DTNA: variants seen among roughly 807,000 people sequenced by gnomAD.
The protein encoded by DTNA is dystrobrevin alpha, also known as dystrophin-related protein 3.
Under a neutral mutation model 100.7 loss-of-function variants are expected in DTNA, and 43 were observed. That is an observed-to-expected ratio of 0.43 (90% CI 0.33 to 0.55). The LOEUF (loss-of-function observed/expected upper bound fraction) is 0.55, where lower values mean the gene tolerates loss of function less well. DTNA is among the 20% of genes least tolerant of loss of function. The pLI, the probability that DTNA is intolerant of heterozygous loss-of-function variation, is 0.04. For synonymous variants in DTNA, 349 were observed against 347.9 expected (o/e 1.00, Z -0.04); for missense variants, 798 against 953.9 (o/e 0.84, Z 2.15).
intron 1 of DTNA, among the ~76,000 whole-genome samples, chr18:34,553,437 G>C (rs2045673444): frequency 6.6e-6 from 1 of 150,912 alleles, no homozygotes; most frequent in Non-Finnish European, 1.5e-5. Flanking sequence ...TGGTGTTTTG[G>C]ACATGAAGTC....
intron 1 of DTNA, among the ~76,000 whole-genome samples, chr18:34,674,807 C>T (rs150071368): frequency 6.6e-6 from 1 of 152,030 alleles, no homozygotes; most frequent in Non-Finnish European, 1.5e-5. Flanking sequence ...AAGTCCCTGC[C>T]CAGAGTTGCA....
chr18:34,571,857 A>C (rs1879691), intron 1 of DTNA, among the ~76,000 whole-genome samples: 15,578 of 152,170 alleles, frequency 0.1, 1,167 homozygotes, highest in African/African-American at 0.2. Flanking sequence ...ATTCACCATA[A>C]AAATTAAATT....
chr18:34,821,218 G>A, intron 9 of DTNA: 2 of 520,174 alleles, frequency 3.8e-6, no homozygotes, highest in Admixed American at 2.4e-5. Flanking sequence ...GTTAACAATG[G>A]GATCACTGTG....
In DTNA at chr18:34,889,217, G is replaced by T. The variant is rs971553945; in HGVS notation, c.*1483G>T. ...ATTCCTGTCTCTCCTTTAAAAGAAA[G>T]GAGAGAACATTTTAGAACAATAGTT... On this transcript the variant is annotated 3_prime_UTR_variant, in exon 23 of 23. Transcript: ENST00000444659. 2.0e-6 allele frequency: 2 copies of T among 985,280 alleles called. No homozygotes were observed. Among genetic ancestry groups the T allele is most frequent in the African/African-American group, 3.5e-5 (2 of 57,226 alleles). The allele number at this position is 985,280 out of a possible 1,614,324, so 61.0% of individuals were successfully genotyped here. A position where few individuals can be genotyped will look rare whatever the true frequency, so the allele number is the denominator to read the frequency against.
chr18:34,843,710 G>T (rs1303241356), intron 13 of DTNA, among the ~76,000 whole-genome samples: 1 of 151,860 alleles, frequency 6.6e-6, no homozygotes, highest in African/African-American at 2.4e-5. Context: ...AGGTACTGAG[G>T]GTATTCATAT....
chr18:34,653,895 G>A (rs2073976963), intron 1 of DTNA, among the ~76,000 whole-genome samples: 1 of 152,154 alleles, frequency 6.6e-6, no homozygotes, highest in South Asian at 2.1e-4. Flanking sequence ...AAACAGCTTT[G>A]AATTGGAGAC....
At chr18:34,595,339 G>A (rs2050374626) in intron 1 of DTNA, among the ~76,000 whole-genome samples, 1 of 151,990 alleles carries the variant, frequency 6.6e-6, no homozygotes, top group Non-Finnish European at 1.5e-5. Context: ...ATGAAAATAT[G>A]TTAGGCTTAC....
chr18:34,502,277 A>G (rs538533442), intron 1 of DTNA, among the ~76,000 whole-genome samples: 1 of 152,270 alleles, frequency 6.6e-6, no homozygotes, highest in East Asian at 1.9e-4. Flanking sequence ...CAGTTTTGCT[A>G]GAGGATTTCA....
chr18:34,526,197 T>C (rs1201736764), intron 1 of DTNA, among the ~76,000 whole-genome samples: 1 of 152,194 alleles, frequency 6.6e-6, no homozygotes, highest in Admixed American at 6.6e-5. Flanking sequence ...TCATAAAATG[T>C]TGTTTCACTC....
At chr18:34,602,441 G>A (rs567994039) in intron 1 of DTNA, among the ~76,000 whole-genome samples, 1 of 152,238 alleles carries the variant, frequency 6.6e-6, no homozygotes, top group South Asian at 2.1e-4. Context: ...TACACTAAAG[G>A]GATATGTTTG....
chr18:34,856,645 C>T (rs762215731), intron 15 of DTNA, among the ~76,000 whole-genome samples: 7 of 152,162 alleles, frequency 4.6e-5, no homozygotes, highest in South Asian at 2.1e-4. Context: ...TACTTGTTAT[C>T]GAACTTGGGG....
chr18:34,672,438 T>G (rs2076884953), intron 1 of DTNA, among the ~76,000 whole-genome samples: 2 of 152,210 alleles, frequency 1.3e-5, no homozygotes, highest in East Asian at 3.8e-4. Context: ...ATTTTTCTGA[T>G]ATTTTGGGAT....
intron 1 of DTNA, among the ~76,000 whole-genome samples, chr18:34,713,880 G>A (rs1439127368): frequency 6.6e-6 from 1 of 151,972 alleles, no homozygotes; most frequent in East Asian, 1.9e-4. Flanking sequence ...TCTCTTTGAA[G>A]CAATTGTGAA....
intron 1 of DTNA, among the ~76,000 whole-genome samples, chr18:34,607,459 C>G (rs1430588826): frequency 2.6e-5 from 4 of 152,094 alleles, no homozygotes; most frequent in African/African-American, 9.7e-5. Flanking sequence ...GAGGGGAGCT[C>G]CCCTATTTTT....
intron 1 of DTNA, among the ~76,000 whole-genome samples, chr18:34,740,663 G>A (rs1391204364): frequency 6.6e-6 from 1 of 152,034 alleles, no homozygotes; most frequent in African/African-American, 2.4e-5. Flanking sequence ...GGGCATGATG[G>A]TGCACGCCTG....
intron 16 of DTNA, among the ~76,000 whole-genome samples, chr18:34,862,257 C>T (rs2096639080): frequency 6.6e-6 from 1 of 151,512 alleles, no homozygotes; most frequent in Non-Finnish European, 1.5e-5. Context: ...AAATAAGATA[C>T]CATTAAAGCA....
chr18:34,518,660 T>C (rs1270909561), intron 1 of DTNA, among the ~76,000 whole-genome samples: 1 of 146,704 alleles, frequency 6.8e-6, no homozygotes, highest in East Asian at 2.1e-4. Context: ...CCAACAAAAA[T>C]GTCTTCAATT....
intron 3 of DTNA, among the ~76,000 whole-genome samples, chr18:34,793,229 G>GGTGA (rs111378995): frequency 0.025 from 3,839 of 152,262 alleles, 164 homozygotes; most frequent in African/African-American, 0.087. Context: ...AACTTTTGAG[G>GGTGA]GTGAGGACGT....
At chr18:34,879,468 G>T in intron 19 of DTNA, 83 bp from the exon 20 acceptor site, 2 of 1,386,878 alleles carry the variant, frequency 1.4e-6, no homozygotes, top group Non-Finnish European at 2.0e-6. Flanking sequence ...AGCACAGGTT[G>T]ATTTGTGAAG....
Sources: gnomAD v4.1 joint callset for allele counts (sites outside exome capture counted in the v4.1 genomes callset) on GRCh38, gnomAD v4.1.1 for gene constraint, MANE v1.5 for transcripts, NCBI Gene and HGNC (gene_info 2026-07-23, HGNC 2026-07-21) for gene names.